NDUFS8: variants seen among roughly 807,000 people sequenced by gnomAD.
The protein encoded by NDUFS8 is NADH dehydrogenase [ubiquinone] iron-sulfur protein 8, mitochondrial.
In NDUFS8, 13 loss-of-function variants were observed where a neutral mutation model predicts 25.6. That is an observed-to-expected ratio of 0.51 (90% CI 0.33 to 0.81). NDUFS8 has a LOEUF of 0.81. Among genes scored for constraint, NDUFS8 ranks in the 30% least tolerant of loss-of-function variants. The probability of loss-of-function intolerance (pLI) is 0.02; values close to 1 mark genes in which losing one functional copy is unlikely to be tolerated. For missense variants in NDUFS8, 257 were observed against 300.9 expected (o/e 0.85, Z 1.08); for synonymous variants, 119 against 119.4 (o/e 1.00, Z 0.02).
rs1179188418 is a variant in NDUFS8 at position 68,030,718 on chromosome 11, G to C, written c.-16G>C. 3.0e-6 allele frequency: 1 copy of C among 333,004 alleles called. No homozygotes were observed. The highest frequency in any genetic ancestry group is 2.1e-5 in the South Asian group (1 of 47,284). 20.6% of individuals were successfully genotyped at this position (333,004 alleles called of 1,614,324 possible). ...ACTGGCCTGCTTGGCAAGGCAAGTA[G>C]CGGCGGCGCTTCAAGGTGGGTGTTC... On this transcript the variant is annotated 5_prime_UTR_variant, in exon 1 of 7. Coordinates refer to ENST00000313468, the MANE Select transcript of NDUFS8 (RefSeq NM_002496.4).
intron 5 of NDUFS8, chr11:68,034,833 G>C (rs1431889035): frequency 6.7e-6 from 1 of 150,306 alleles, no homozygotes; most frequent in South Asian, 2.1e-4. Context: ...CACTTTGGGA[G>C]GCCAAGGTGG....
intron 1 of NDUFS8, chr11:68,030,977 G>A (rs767477659): frequency 4.7e-6 from 2 of 422,546 alleles, no homozygotes; most frequent in South Asian, 3.2e-5. Context: ...GAAGGTGCTG[G>A]GTTGGGTCCC....
At position 68,033,574 on chromosome 11, in the gene NDUFS8, G is replaced by A. The variant is rs544950889; in HGVS notation, c.372+291G>A. On this transcript the variant is annotated intron_variant, in intron 5 of 6. Transcript: ENST00000313468. Reference sequence around the variant, plus strand: ...GACCCCTGGGCCTCTGAGCCATGGGGTGACACCTGAGGCCATCCACGCCTC... The same window carrying A: ...GACCCCTGGGCCTCTGAGCCATGGGATGACACCTGAGGCCATCCACGCCTC... 25 of 514,812 alleles carry A rather than the reference G, an allele frequency of 4.9e-5. No homozygotes were observed. The East Asian group carries it at 7.3e-4, about 15-fold the overall frequency. 31.9% of individuals were successfully genotyped at this position (514,812 alleles called of 1,614,324 possible).
rs369961682 is a variant in NDUFS8 at position 68,036,452 on chromosome 11, C to T, written c.502-10C>T. On this transcript the variant is annotated splice_polypyrimidine_tract_variant and intron_variant, in intron 6 of 6. Transcript: ENST00000313468. ...GGGCCTAACCACCGTCCCTGCACCTCAACCTGCAGGGCCCCAACTTTGAGT... is the reference window on the plus strand; with the variant it reads ...GGGCCTAACCACCGTCCCTGCACCTTAACCTGCAGGGCCCCAACTTTGAGT... 1.0e-4 allele frequency: 163 copies of T among 1,613,888 alleles called. No individual in the cohort carries two copies. Among genetic ancestry groups the T allele is most frequent in the Middle Eastern group, 9.9e-4 (6 of 6,084 alleles).
At chr11:68,032,531 T>A in intron 3 of NDUFS8, 195 bp downstream of exon 3, 1 of 1,490,728 alleles carries the variant, frequency 6.7e-7, no homozygotes, top group Non-Finnish European at 8.9e-7. Flanking sequence ...GAGGTTAGCA[T>A]GTGTGATCTC....
chr11:68,036,284 A>G lies in NDUFS8; in HGVS notation c.404A>G (p.Asp135Gly). The G allele has an allele frequency of 6.2e-7, 1 of 1,612,916 alleles. No homozygotes were observed. The highest frequency in any genetic ancestry group is 8.5e-7 in the Non-Finnish European group (1 of 1,179,856). Residue 135 changes from aspartate (D) to glycine (G), a missense_variant, in exon 6 of 7, where the codon GAT (aspartate) becomes GGT (glycine). By Grantham distance (94) the Asp-to-Gly change is moderately conservative. Transcript: ENST00000313468. ...AITIEAEPRA[D>G]GSRRTTRYDI... Reference sequence around the variant, plus strand: ...ACCATCGAGGCTGAGCCAAGAGCTGATGGCAGCCGCCGGACCACCCGCTAT... The same window carrying G: ...ACCATCGAGGCTGAGCCAAGAGCTGGTGGCAGCCGCCGGACCACCCGCTAT...
chr11:68,031,643 C>T (rs1854769082), intron 1 of NDUFS8: 2 of 236,060 alleles, frequency 8.5e-6, no homozygotes, highest in Non-Finnish European at 1.7e-5. Context: ...CCACCACACC[C>T]AGCCCTAGCG....
At chr11:68,035,110 G>A (rs1485586903) in intron 5 of NDUFS8, 2 of 151,470 alleles carry the variant, frequency 1.3e-5, no homozygotes, top group African/African-American at 2.4e-5. Context: ...AGGCTGCGAA[G>A]TGTCTAAAAC....
chr11:68,036,111 G>T (rs191280028), intron 5 of NDUFS8, 142 bp from the exon 6 acceptor site: 5 of 1,363,142 alleles, frequency 3.7e-6, no homozygotes, highest in Non-Finnish European at 2.0e-6. Flanking sequence ...GGTGCAGGGC[G>T]GCCTCTTAGC....
intron 5 of NDUFS8, chr11:68,033,522 TC>T: frequency 1.6e-6 from 1 of 614,930 alleles, no homozygotes. Flanking sequence ...ACACAGAGGT[TC>T]CCCCTTGGGG....
chr11:68,030,878 G>T (rs1455386062), intron 1 of NDUFS8, 145 bp downstream of exon 1: 1 of 446,866 alleles, frequency 2.2e-6, no homozygotes. Flanking sequence ...TGTCCTTCAG[G>T]TGCAGCGGGG....
In NDUFS8 at chr11:68,036,503, G is replaced by C; in HGVS notation, c.543G>C (p.Leu181=). The change falls in exon 7 of 7, where the codon CTG becomes CTC. Residue 181 remains leucine (L), a synonymous_variant. Transcript: ENST00000313468. ...FEFSTETHEE[L]LYNKEKLLNN... is the part of the protein sequence containing the mutation. The stretch of plus-strand genomic sequence containing the variant: ...TCTCCACGGAGACCCATGAGGAGCT[G>C]CTGTACAACAAGGAGAAGTTGCTCA... 1 of 1,614,114 alleles carries C rather than the reference G, an allele frequency of 6.2e-7. No homozygotes were observed. The highest frequency in any genetic ancestry group is 8.5e-7 in the Non-Finnish European group (1 of 1,180,014).
chr11:68,032,602 T>C, intron 3 of NDUFS8: 2 of 1,244,990 alleles, frequency 1.6e-6, no homozygotes, highest in Non-Finnish European at 1.1e-6. Flanking sequence ...TACCTGTGCC[T>C]ATTGCCAGTC....
At chr11:68,035,178 T>A (rs1422527871) in intron 5 of NDUFS8, 1 of 153,730 alleles carries the variant, frequency 6.5e-6, no homozygotes, top group East Asian at 1.9e-4. Context: ...GGCTCACACC[T>A]GTAGTCCAAG....
intron 3 of NDUFS8, 182 bp downstream of exon 3, chr11:68,032,518 G>C: frequency 6.6e-7 from 1 of 1,504,006 alleles, no homozygotes; most frequent in Non-Finnish European, 8.9e-7. Context: ...GTCCATCATT[G>C]CCGAGGTTAG....
At chr11:68,033,555 T>A in intron 5 of NDUFS8, 1 of 541,358 alleles carries the variant, frequency 1.8e-6, no homozygotes, top group Non-Finnish European at 3.4e-6. Flanking sequence ...GTGTGACCCC[T>A]GGGCCTCTGA....
intron 5 of NDUFS8, chr11:68,035,900 T>TGATCA (rs1380867095): frequency 1.6e-5 from 6 of 368,270 alleles, no homozygotes; most frequent in Non-Finnish European, 2.7e-5. Context: ...ACACTTGTAG[T>TGATCA]CCCAGCTACT....
At chr11:68,033,520 G>T in intron 5 of NDUFS8, 2 of 623,300 alleles carry the variant, frequency 3.2e-6, no homozygotes, top group East Asian at 5.7e-5. Context: ...ACACACAGAG[G>T]TTCCCCCTTG....
At chr11:68,033,404 C>G (rs777386792) in intron 5 of NDUFS8, 121 bp downstream of exon 5, 19 of 1,157,326 alleles carry the variant, frequency 1.6e-5, no homozygotes, top group Non-Finnish European at 2.4e-5. Context: ...GTCCCTTTCC[C>G]CCTCTGAGCC....
Sources: gnomAD v4.1 joint callset for allele counts on GRCh38, gnomAD v4.1.1 for gene constraint, MANE v1.5 for transcripts, NCBI Gene and HGNC (gene_info 2026-07-23, HGNC 2026-07-21) for gene names.